Variants in INSL6 observed in about 807,000 individuals in gnomAD.
INSL6 encodes insulin-like peptide INSL6.
INSL6 carries 16 observed loss-of-function variants against 9.4 expected under a neutral mutation model. The ratio of observed to expected loss-of-function variants is 1.70; its 90% CI spans 1.15 to 2.59. INSL6 has a LOEUF of 2.59. INSL6 is among the 30% of genes most tolerant of loss of function. The pLI is 0.00. For missense variants in INSL6, 391 were observed against 257.3 expected (o/e 1.52, Z -3.56); for synonymous variants, 154 against 96.9 (o/e 1.59, Z -3.46).
the INSL6 span, among the ~76,000 whole-genome samples, chr9:4,995,871 G>C: frequency 1.3e-5 from 2 of 151,908 alleles, no homozygotes; most frequent in African/African-American, 2.4e-5. Context: ...TTATTGTGAA[G>C]TATTAAGTTA....
chr9:5,109,478 C>G, the INSL6 span: 1 of 152,130 alleles, frequency 6.6e-6, no homozygotes. Context: ...ATTGGTGCAA[C>G]TCCAAAGAAA....
the INSL6 span, chr9:5,022,073 C>T: frequency 6.2e-7 from 1 of 1,613,876 alleles, no homozygotes; most frequent in Non-Finnish European, 8.5e-7. Flanking sequence ...TCTGGAAATG[C>T]CAATTCTATG....
the INSL6 span, chr9:5,112,550 C>T: frequency 1.6e-6 from 1 of 606,566 alleles, no homozygotes; most frequent in African/African-American, 1.9e-5. Context: ...AAGCAGGTGG[C>T]CAATAACGCC....
intron 1 of INSL6, among the ~76,000 whole-genome samples, chr9:5,172,918 A>ACTCCACC (rs1227475381): frequency 6.6e-6 from 1 of 151,534 alleles, no homozygotes; most frequent in Non-Finnish European, 1.5e-5. Context: ...ACAAAGCAAG[A>ACTCCACC]CTCCACCTCA....
At chr9:5,022,559 T>C in the INSL6 span, among the ~76,000 whole-genome samples, 1 of 152,270 alleles carries the variant, frequency 6.6e-6, no homozygotes, top group Non-Finnish European at 1.5e-5. Context: ...AAATTAATGT[T>C]TTGAAATATG....
the INSL6 span, among the ~76,000 whole-genome samples, chr9:5,078,848 A>G: frequency 6.6e-6 from 1 of 152,162 alleles, no homozygotes; most frequent in Non-Finnish European, 1.5e-5. Context: ...TAGTTTAATT[A>G]TCCAGCTAAT....
At chr9:5,127,804 A>G (rs936714126) in intron 3 of INSL6, 3 of 232,538 alleles carry the variant, frequency 1.3e-5, no homozygotes, top group African/African-American at 4.4e-5. Context: ...ATTTTTTCCT[A>G]AAGACTGTAT....
chr9:5,047,335 C>T, the INSL6 span, among the ~76,000 whole-genome samples: 1 of 152,074 alleles, frequency 6.6e-6, no homozygotes, highest in Non-Finnish European at 1.5e-5. Flanking sequence ...TAAGACAGTA[C>T]CTGTAGGAAG....
the INSL6 span, among the ~76,000 whole-genome samples, chr9:5,027,856 G>A: frequency 3.3e-5 from 5 of 152,140 alleles, no homozygotes; most frequent in African/African-American, 9.7e-5. Context: ...ATTCAGTCAC[G>A]TCTTCAAGCT....
At chr9:5,168,805 G>T (rs930674816) in intron 1 of INSL6, among the ~76,000 whole-genome samples, 8 of 151,594 alleles carry the variant, frequency 5.3e-5, no homozygotes, top group Non-Finnish European at 8.8e-5. Context: ...CAAAATGAAG[G>T]AATGTTAAGT....
At chr9:5,073,731 C>G in the INSL6 span, 1 of 1,612,286 alleles carries the variant, frequency 6.2e-7, no homozygotes, top group Non-Finnish European at 8.5e-7. Context: ...GATGAGCAAG[C>G]TTTCTCACAA....
chr9:5,106,404 C>A, the INSL6 span, among the ~76,000 whole-genome samples: 1 of 152,180 alleles, frequency 6.6e-6, no homozygotes, highest in East Asian at 1.9e-4. Context: ...ACAACAGATG[C>A]TGGAGAAGAT....
At chr9:5,024,109 A>G in the INSL6 span, among the ~76,000 whole-genome samples, 11 of 152,136 alleles carry the variant, frequency 7.2e-5, no homozygotes, top group African/African-American at 2.7e-4. Context: ...ACAAAAAATT[A>G]GCCAGGTGTG....
intron 2 of INSL6, among the ~76,000 whole-genome samples, chr9:5,141,625 G>C (rs1173118982): frequency 6.6e-6 from 1 of 151,994 alleles, no homozygotes; most frequent in Non-Finnish European, 1.5e-5. Flanking sequence ...TTAGACCTTT[G>C]TCAGATGCAT....
chr9:5,142,890 T>C (rs1224379124), intron 2 of INSL6, among the ~76,000 whole-genome samples: 1 of 152,214 alleles, frequency 6.6e-6, no homozygotes, highest in Non-Finnish European at 1.5e-5. Context: ...ACCTAGTTTA[T>C]TGACAGTTTA....
At chr9:5,177,867 T>G (rs1825347099) in intron 1 of INSL6, among the ~76,000 whole-genome samples, 1 of 151,982 alleles carries the variant, frequency 6.6e-6, no homozygotes, top group African/African-American at 2.4e-5. Context: ...CCAGACTGCT[T>G]CTTTCTTTTT....
At chr9:5,006,926 T>A in the INSL6 span, among the ~76,000 whole-genome samples, 2 of 152,202 alleles carry the variant, frequency 1.3e-5, no homozygotes, top group Non-Finnish European at 2.9e-5. Context: ...TTGGAGAATA[T>A]TCCTGTTGTC....
At chr9:5,083,401 A>C in the INSL6 span, among the ~76,000 whole-genome samples, 1 of 152,232 alleles carries the variant, frequency 6.6e-6, no homozygotes, top group African/African-American at 2.4e-5. Flanking sequence ...GGTTCTCACT[A>C]GTAAGTACCA....
chr9:5,008,098 T>C, the INSL6 span, among the ~76,000 whole-genome samples: 1 of 152,210 alleles, frequency 6.6e-6, no homozygotes, highest in Non-Finnish European at 1.5e-5. Flanking sequence ...AAGCTGAGTT[T>C]CACATTTTTA....
Sources: gnomAD v4.1 joint callset for allele counts (sites outside exome capture counted in the v4.1 genomes callset) on GRCh38, gnomAD v4.1.1 for gene constraint, MANE v1.5 for transcripts, NCBI Gene and HGNC (gene_info 2026-07-23, HGNC 2026-07-21) for gene names.